Variants in CCSER1 observed in about 807,000 individuals in gnomAD.
CCSER1 encodes the protein serine-rich coiled-coil domain-containing protein 1.
CCSER1 carries 41 observed loss-of-function variants against 82.0 expected under a neutral mutation model. That is an observed-to-expected ratio of 0.50 (90% CI 0.39 to 0.65). The LOEUF (loss-of-function observed/expected upper bound fraction) is 0.65. CCSER1 is among the 30% of genes least tolerant of loss of function. CCSER1 has a pLI of 0.00. For synonymous variants in CCSER1, 414 were observed against 383.9 expected (o/e 1.08, Z -0.92); for missense variants, 1,119 against 1,064.2 (o/e 1.05, Z -0.72).
chr4:90,167,552 C>T (rs1730712931), intron 1 of CCSER1, among the ~76,000 whole-genome samples: 1 of 152,090 alleles, frequency 6.6e-6, no homozygotes, highest in South Asian at 2.1e-4. Flanking sequence ...TATACATGTG[C>T]CATGTTGGTG....
chr4:91,346,656 A>C (rs1748084950), intron 10 of CCSER1, among the ~76,000 whole-genome samples: 1 of 152,156 alleles, frequency 6.6e-6, no homozygotes, highest in Admixed American at 6.5e-5. Flanking sequence ...ATTTGATGTC[A>C]GTGTTTTGGA....
At chr4:91,014,952 A>ATGGGGAGGGTGGGTG (rs1414154133) in intron 9 of CCSER1, among the ~76,000 whole-genome samples, 1 of 98,874 alleles carries the variant, frequency 1.0e-5, no homozygotes, top group Admixed American at 9.6e-5. Context: ...ATTACAGTGG[A>ATGGGGAGGGTGGGTG]AATTGTGCAG....
intron 10 of CCSER1, among the ~76,000 whole-genome samples, chr4:91,136,121 T>A (rs1202107683): frequency 2.0e-5 from 3 of 152,194 alleles, no homozygotes; most frequent in South Asian, 2.1e-4. Context: ...TCATCCAAAA[T>A]TCCTCATCTG....
chr4:90,957,186 T>C (rs1581199517), intron 9 of CCSER1, among the ~76,000 whole-genome samples: 2 of 130,170 alleles, frequency 1.5e-5, no homozygotes, highest in African/African-American at 5.8e-5. Flanking sequence ...CACTGCAACC[T>C]CTGCCTCCCG....
rs535681424 is a variant in CCSER1, at chr4:91,108,948, C to T, written c.2217+22954C>T. On this transcript the variant is annotated intron_variant, in intron 10 of 10. Transcript: ENST00000509176. Reference sequence around the variant, plus strand: ...CTCACCCAGTGTGGGTGGGCACCATCAAATCAGCTGAGGACTCAGATAGAA... The same window carrying T: ...CTCACCCAGTGTGGGTGGGCACCATTAAATCAGCTGAGGACTCAGATAGAA... 2.6e-5 allele frequency among the ~76,000 whole-genome samples: 4 copies of T among 152,318 alleles called. No homozygotes were observed. The South Asian group carries it at 8.3e-4, about 32-fold the overall frequency.
At chr4:91,432,981 C>T (rs1488795127) in intron 10 of CCSER1, among the ~76,000 whole-genome samples, 2 of 151,994 alleles carry the variant, frequency 1.3e-5, no homozygotes, top group Non-Finnish European at 2.9e-5. Flanking sequence ...ATTATCAATA[C>T]CTCCCTGCCC....
intron 5 of CCSER1, among the ~76,000 whole-genome samples, chr4:90,482,029 A>T (rs1312543607): frequency 1.3e-5 from 2 of 152,186 alleles, no homozygotes; most frequent in South Asian, 4.1e-4. Context: ...TAAGCTATTA[A>T]TTATAGCCTC....
chr4:91,436,269 A>C (rs1754642600), intron 10 of CCSER1, among the ~76,000 whole-genome samples: 1 of 152,182 alleles, frequency 6.6e-6, no homozygotes, highest in Non-Finnish European at 1.5e-5. Flanking sequence ...TCTGTTTGGT[A>C]GGATTTTAAA....
intron 1 of CCSER1, among the ~76,000 whole-genome samples, chr4:90,219,215 T>C (rs1741672536): frequency 6.6e-6 from 1 of 152,190 alleles, no homozygotes. Context: ...TTTGTGAGAA[T>C]GTATCTACAG....
At chr4:90,343,556 G>A (rs1335052422) in intron 3 of CCSER1, among the ~76,000 whole-genome samples, 1 of 152,124 alleles carries the variant, frequency 6.6e-6, no homozygotes, top group Non-Finnish European at 1.5e-5. Flanking sequence ...GACGGAGGTT[G>A]CAGTGAGCTG....
At chr4:91,540,521 G>A (rs1410653679) in intron 10 of CCSER1, among the ~76,000 whole-genome samples, 3 of 151,970 alleles carry the variant, frequency 2.0e-5, no homozygotes, top group African/African-American at 7.2e-5. Flanking sequence ...TTATTCTCTT[G>A]ATATTGTCTT....
chr4:90,342,979 A>G (rs1464848246), intron 3 of CCSER1, among the ~76,000 whole-genome samples: 1 of 152,076 alleles, frequency 6.6e-6, no homozygotes, highest in Admixed American at 6.5e-5. Flanking sequence ...TCCTCCAGAT[A>G]TTGATTCTGG....
chr4:90,321,914 T>C (rs2153487725), intron 3 of CCSER1, among the ~76,000 whole-genome samples: 1 of 152,326 alleles, frequency 6.6e-6, no homozygotes, highest in Non-Finnish European at 1.5e-5. Flanking sequence ...GATGGGTATT[T>C]TCTCCCCTTC....
intron 8 of CCSER1, among the ~76,000 whole-genome samples, chr4:90,868,561 C>T (rs1342580230): frequency 2.6e-5 from 4 of 152,042 alleles, no homozygotes; most frequent in African/African-American, 9.7e-5. Context: ...GATTAGTACT[C>T]ATTGTGTGTG....
intron 10 of CCSER1, among the ~76,000 whole-genome samples, chr4:91,522,997 A>G (rs1224918729): frequency 4.6e-5 from 7 of 152,086 alleles, no homozygotes; most frequent in African/African-American, 1.7e-4. Flanking sequence ...TCAGTATGAT[A>G]TTGGCTGTGG....
At chr4:90,650,021 C>T (rs1728422704) in intron 6 of CCSER1, among the ~76,000 whole-genome samples, 1 of 152,072 alleles carries the variant, frequency 6.6e-6, no homozygotes, top group African/African-American at 2.4e-5. Flanking sequence ...TTAAGACCAG[C>T]TTGGCCAACA....
At chr4:90,244,212 A>T (rs2153436442) in intron 1 of CCSER1, among the ~76,000 whole-genome samples, 1 of 152,274 alleles carries the variant, frequency 6.6e-6, no homozygotes, top group East Asian at 1.9e-4. Context: ...GTGGAGAGAA[A>T]ATTATGAGAT....
chr4:90,752,682 T>C (rs1276981286), intron 7 of CCSER1, among the ~76,000 whole-genome samples: 1 of 152,026 alleles, frequency 6.6e-6, no homozygotes, highest in Non-Finnish European at 1.5e-5. Flanking sequence ...TACAGCCTCT[T>C]CTCCAGATAT....
intron 4 of CCSER1, among the ~76,000 whole-genome samples, chr4:90,442,879 T>C (rs1165574729): frequency 6.6e-6 from 1 of 152,110 alleles, no homozygotes; most frequent in Admixed American, 6.5e-5. Context: ...TTGGTCTAGT[T>C]AAGTGGTATT....
Sources: gnomAD v4.1 joint callset for allele counts (sites outside exome capture counted in the v4.1 genomes callset) on GRCh38, gnomAD v4.1.1 for gene constraint, MANE v1.5 for transcripts, NCBI Gene and HGNC (gene_info 2026-07-23, HGNC 2026-07-21) for gene names.